GABPB2: variants seen among roughly 807,000 people sequenced by gnomAD.
GABPB2 encodes GA binding protein transcription factor subunit beta 2.
Under a neutral mutation model 39.1 loss-of-function variants are expected in GABPB2, and 23 were observed. The observed-to-expected ratio is 0.59, with a 90% confidence interval of 0.42 to 0.83. GABPB2 has a LOEUF of 0.83. Among genes scored for constraint, GABPB2 ranks in the 40% least tolerant of loss-of-function variants. GABPB2 has a pLI of 0.00. For missense variants in GABPB2, 467 were observed against 541.1 expected (o/e 0.86, Z 1.36); for synonymous variants, 184 against 199.3 (o/e 0.92, Z 0.65).
At chr1:151,106,683 A>G (rs1679995421) in intron 6 of GABPB2, among the ~76,000 whole-genome samples, 1 of 152,230 alleles carries the variant, frequency 6.6e-6, no homozygotes, top group Admixed American at 6.5e-5. Context: ...ACCCTGTTGG[A>G]AAATCACAAT....
intron 1 of GABPB2, among the ~76,000 whole-genome samples, chr1:151,080,510 TCTAA>T (rs1286992786): frequency 1.1e-3 from 155 of 134,876 alleles, no homozygotes; most frequent in African/African-American, 4.6e-3. Context: ...AAACTCCATC[TCTAA>T]ATAAATAAAT....
At position 151,124,752 on chromosome 1, in the gene GABPB2, C is replaced by CTA. The variant is rs1681314420; in HGVS notation, c.*6500_*6501dup. The CTA allele has an allele frequency of 6.6e-6, 1 of 152,092 alleles. No individual in the cohort carries two copies. Among genetic ancestry groups the CTA allele is most frequent in the Non-Finnish European group, 1.5e-5 (1 of 68,016 alleles). 9.4% of individuals were successfully genotyped at this position (152,092 alleles called of 1,614,324 possible). A position where few individuals can be genotyped will look rare whatever the true frequency, so the allele number is the denominator to read the frequency against. ...TATCTGTCTCTATTTTATGTGGTGA[C>CTA]TATATCTCAGAAGTACTACCCCTTC... On this transcript the variant is annotated 3_prime_UTR_variant, in exon 9 of 9. Transcript: ENST00000368918.
At position 151,078,938 on chromosome 1, in the gene GABPB2, C is replaced by G. The variant is rs1359155295; in HGVS notation, c.-1+8004C>G. 3.3e-5 allele frequency among the ~76,000 whole-genome samples: 5 copies of G among 152,122 alleles called. No homozygotes were observed. In the East Asian group the frequency reaches 5.8e-4, roughly 18 times the overall value. ...CCGCCTGCCTCTGCCTCCCAAAGTG[C>G]TGGGATTACAGTCGTGAGCCACTGT... On this transcript the variant is annotated intron_variant, in intron 1 of 8. Transcript: ENST00000368918.
chr1:151,116,437 C>A (rs894687208), intron 7 of GABPB2, among the ~76,000 whole-genome samples: 1 of 149,916 alleles, frequency 6.7e-6, no homozygotes, highest in Non-Finnish European at 1.5e-5. Context: ...GCCATTCTGA[C>A]AGATGTGTAG....
At chr1:151,088,939 G>T (rs966524061) in intron 2 of GABPB2, among the ~76,000 whole-genome samples, 1 of 152,032 alleles carries the variant, frequency 6.6e-6, no homozygotes, top group African/African-American at 2.4e-5. Context: ...GGTGGAGGTT[G>T]CAGTGAGCGG....
rs587638665 is a variant in GABPB2, at chr1:151,091,505, C to T, written c.276+932C>T. Among the ~76,000 whole-genome samples the T allele has an allele frequency of 9.4e-5, 13 of 138,940 alleles. No individual in the cohort carries two copies. The South Asian group carries it at 1.7e-3, about 18-fold the overall frequency. 91.2% of individuals were successfully genotyped at this position (138,940 alleles called of 152,430 possible). A position where few individuals can be genotyped will look rare whatever the true frequency, so the allele number is the denominator to read the frequency against. ...AAAAAAAAAAAAAAAGATGAAGTCT[C>T]GCACTATCGCCCAGGCTCGAGTGCG... On this transcript the variant is annotated intron_variant, in intron 3 of 8. Coordinates refer to ENST00000368918, the MANE Select transcript of GABPB2 (RefSeq NM_144618.3).
rs1681218145 is a variant in GABPB2, at chr1:151,122,465, C to G, written c.*4209C>G. On this transcript the variant is annotated 3_prime_UTR_variant, in exon 9 of 9. Transcript: ENST00000368918. ...TTATGTGTGGGATTTCGGAGCCTTACTTTAACGATAGAGGAACCAAGTATC... is the reference window on the plus strand; with the variant it reads ...TTATGTGTGGGATTTCGGAGCCTTAGTTTAACGATAGAGGAACCAAGTATC... The G allele has an allele frequency of 6.6e-6, 1 of 151,376 alleles. No homozygotes were observed. The highest frequency in any genetic ancestry group is 2.1e-4 in the South Asian group (1 of 4,802). The allele number at this position is 151,376 out of a possible 1,614,324, so 9.4% of individuals were successfully genotyped here.
At chr1:151,091,409 A>T (rs1308985892) in intron 3 of GABPB2, among the ~76,000 whole-genome samples, 6 of 127,172 alleles carry the variant, frequency 4.7e-5, no homozygotes, top group Admixed American at 8.6e-5. Context: ...TATTAAAACA[A>T]TTTTTTTTTT....
chr1:151,102,086 C>G (rs587757969), intron 5 of GABPB2, among the ~76,000 whole-genome samples: 2 of 152,168 alleles, frequency 1.3e-5, no homozygotes, highest in South Asian at 4.2e-4. Context: ...TTTGGGAGGC[C>G]GAAGCAGGCA....
intron 4 of GABPB2, among the ~76,000 whole-genome samples, chr1:151,094,724 G>A (rs587707470): frequency 5.8e-4 from 88 of 150,490 alleles, no homozygotes; most frequent in African/African-American, 2.1e-3. Flanking sequence ...AACAGGACAT[G>A]GGCCAGGCGT....
intron 6 of GABPB2, among the ~76,000 whole-genome samples, chr1:151,104,206 A>C (rs758858658): frequency 1.3e-5 from 2 of 152,186 alleles, no homozygotes; most frequent in Admixed American, 6.6e-5. Context: ...TATTTAAAAC[A>C]AAAAAGTTTT....
intron 1 of GABPB2, among the ~76,000 whole-genome samples, chr1:151,085,848 T>TA (rs1249900225): frequency 6.6e-6 from 1 of 152,164 alleles, no homozygotes; most frequent in African/African-American, 2.4e-5. Context: ...TTATGTCGGA[T>TA]AGGCACAGTG....
Position 151,124,636 on chromosome 1 carries a change from T to C in GABPB2, c.*6380T>C, listed in dbSNP as rs1165924600. 1 of 152,104 alleles carries C rather than the reference T, an allele frequency of 6.6e-6. No individual in the cohort carries two copies. Among genetic ancestry groups the C allele is most frequent in the Non-Finnish European group, 1.5e-5 (1 of 68,028 alleles). The allele number at this position is 152,104 out of a possible 1,614,324, so 9.4% of individuals were successfully genotyped here. On this transcript the variant is annotated 3_prime_UTR_variant, in exon 9 of 9. Transcript: ENST00000368918. ...TTATTAGAGAAGGCTTCCTCTTCTCTACTCCTTGTGCAAACCCATCTCTGG... is the reference window on the plus strand; with the variant it reads ...TTATTAGAGAAGGCTTCCTCTTCTCCACTCCTTGTGCAAACCCATCTCTGG...
intron 1 of GABPB2, among the ~76,000 whole-genome samples, chr1:151,071,538 C>T (rs1182238804): frequency 6.9e-6 from 1 of 143,922 alleles, no homozygotes; most frequent in East Asian, 2.2e-4. Context: ...CTGCAACCTG[C>T]AGCTCACTGC....
intron 7 of GABPB2, among the ~76,000 whole-genome samples, chr1:151,107,917 A>G (rs1392051616): frequency 6.6e-6 from 1 of 152,044 alleles, no homozygotes; most frequent in Non-Finnish European, 1.5e-5. Context: ...CCTGGATGAC[A>G]GAGTGAGACT....
At chr1:151,105,765 A>G (rs1679912598) in intron 6 of GABPB2, among the ~76,000 whole-genome samples, 1 of 152,194 alleles carries the variant, frequency 6.6e-6, no homozygotes, top group Non-Finnish European at 1.5e-5. Flanking sequence ...GTGGCCTCCC[A>G]AAGTGCTGGG....
In GABPB2 at chr1:151,121,234, C is replaced by T. The variant is rs1410664506; in HGVS notation, c.*2978C>T. ...TTTGATCTGGCATGAGTAAATTGCTCTGTTTCCTTAAGCTTGGGTCTGTTA... is the reference window on the plus strand; with the variant it reads ...TTTGATCTGGCATGAGTAAATTGCTTTGTTTCCTTAAGCTTGGGTCTGTTA... On this transcript the variant is annotated 3_prime_UTR_variant, in exon 9 of 9. Transcript: ENST00000368918. 1 of 152,112 alleles carries T rather than the reference C, an allele frequency of 6.6e-6. No homozygotes were observed. Among genetic ancestry groups the T allele is most frequent in the Non-Finnish European group, 1.5e-5 (1 of 68,046 alleles). 9.4% of individuals were successfully genotyped at this position (152,112 alleles called of 1,614,324 possible). A position where few individuals can be genotyped will look rare whatever the true frequency, so the allele number is the denominator to read the frequency against.
intron 1 of GABPB2, among the ~76,000 whole-genome samples, chr1:151,072,465 G>T (rs2102987932): frequency 6.6e-6 from 1 of 152,286 alleles, no homozygotes; most frequent in Non-Finnish European, 1.5e-5. Flanking sequence ...ACTGAGGTGG[G>T]AGGATCGCTT....
intron 6 of GABPB2, among the ~76,000 whole-genome samples, chr1:151,104,824 T>TC (rs1191058850): frequency 4.6e-5 from 7 of 150,810 alleles, no homozygotes; most frequent in African/African-American, 1.7e-4. Flanking sequence ...CCTTTCTTTC[T>TC]TTCTTTCTCT....
Sources: allele counts gnomAD v4.1 joint callset (sites outside exome capture counted in the v4.1 genomes callset), GRCh38; gene constraint gnomAD v4.1.1; transcripts MANE v1.5; gene names NCBI Gene and HGNC (gene_info 2026-07-23, HGNC 2026-07-21).